Variants in PLCH1 observed in about 807,000 individuals in gnomAD.
The protein encoded by PLCH1 is 1-phosphatidylinositol 4,5-bisphosphate phosphodiesterase eta-1.
PLCH1 carries 60 observed loss-of-function variants against 126.7 expected under a neutral mutation model. The ratio of observed to expected loss-of-function variants is 0.47; its 90% CI spans 0.38 to 0.59. PLCH1 has a LOEUF of 0.59. Among genes scored for constraint, PLCH1 ranks in the 20% least tolerant of loss-of-function variants. The pLI is 0.00. For missense variants in PLCH1, 1,723 were observed against 2,040.0 expected (o/e 0.84, Z 2.99); for synonymous variants, 719 against 734.9 (o/e 0.98, Z 0.35).
chr3:155,467,253 C>T (rs1712961550), intron 21 of PLCH1, among the ~76,000 whole-genome samples: 2 of 150,696 alleles, frequency 1.3e-5, no homozygotes, highest in South Asian at 2.1e-4. Context: ...AGTCTTCTGA[C>T]CAAAAAAAAA....
intron 1 of PLCH1, among the ~76,000 whole-genome samples, chr3:155,708,507 T>A (rs1746855055): frequency 1.3e-5 from 2 of 152,226 alleles, no homozygotes; most frequent in Non-Finnish European, 2.9e-5. Context: ...GATAAACTGA[T>A]GGGAAACCCA....
intron 12 of PLCH1, among the ~76,000 whole-genome samples, chr3:155,512,094 A>G (rs2082837): frequency 0.85 from 125,643 of 147,958 alleles, 53,723 homozygotes; most frequent in African/African-American, 0.95. Context: ...CGCAATATTC[A>G]GGTGGGAGTG....
intron 1 of PLCH1, among the ~76,000 whole-genome samples, chr3:155,708,088 G>A (rs1746823451): frequency 6.6e-6 from 1 of 152,148 alleles, no homozygotes; most frequent in African/African-American, 2.4e-5. Flanking sequence ...CTTTACATCA[G>A]TGAGCCTCAA....
rs1311169701 is a variant in PLCH1, at chr3:155,565,138, A to G, written c.866-20T>C. 1.3e-6 allele frequency: 2 copies of G among 1,558,750 alleles called. No individual in the cohort carries two copies. Among genetic ancestry groups the G allele is most frequent in the East Asian group, 4.5e-5 (2 of 44,506 alleles). On this transcript the variant is annotated intron_variant, in intron 7 of 22. Transcript: ENST00000460012. ...TGAAGCCTTTGGAAGAAAGAGAGTG[A>G]CTTACTACAGCTTTCAAAGCATATA... is the stretch of plus-strand genomic sequence containing the variant.
At chr3:155,539,101 T>C (rs1305129280) in intron 10 of PLCH1, among the ~76,000 whole-genome samples, 1 of 152,038 alleles carries the variant, frequency 6.6e-6, no homozygotes, top group Non-Finnish European at 1.5e-5. Flanking sequence ...TGGTTTCACA[T>C]GTACAAGTCA....
At chr3:155,474,033 A>G (rs1415653305) in intron 21 of PLCH1, among the ~76,000 whole-genome samples, 1 of 152,150 alleles carries the variant, frequency 6.6e-6, no homozygotes, top group Non-Finnish European at 1.5e-5. Flanking sequence ...CTTCATGTCT[A>G]AAACACCAAA....
intron 8 of PLCH1, among the ~76,000 whole-genome samples, 194 bp downstream of exon 8, chr3:155,564,721 A>T (rs368794215): frequency 2.4e-4 from 36 of 152,300 alleles, no homozygotes; most frequent in Middle Eastern, 3.4e-3. Flanking sequence ...GCTAACACAG[A>T]TCTCTTTCTC....
At chr3:155,634,790 T>C (rs529445676) in intron 2 of PLCH1, among the ~76,000 whole-genome samples, 3 of 152,296 alleles carry the variant, frequency 2.0e-5, no homozygotes, top group South Asian at 4.1e-4. Context: ...GAGAAAGGTG[T>C]TCAGGGACCA....
intron 21 of PLCH1, among the ~76,000 whole-genome samples, chr3:155,466,732 A>G (rs1467156257): frequency 6.6e-6 from 1 of 152,240 alleles, no homozygotes; most frequent in Non-Finnish European, 1.5e-5. Context: ...GGAAACTCAA[A>G]GAAGTTCAAC....
rs1730965035 is a variant in PLCH1, at chr3:155,583,461, T to C, written c.771+11A>G. On this transcript the variant is annotated intron_variant, in intron 6 of 22. Transcript: ENST00000460012. ...TTTAAGTAAACTTTCATTTTAACAG[T>C]CTAATGATACCTTTTGCTCCACCTT... 2.5e-6 allele frequency: 4 copies of C among 1,583,680 alleles called. No individual in the cohort carries two copies. Among genetic ancestry groups the C allele is most frequent in the Non-Finnish European group, 3.4e-6 (4 of 1,165,326 alleles).
intron 4 of PLCH1, among the ~76,000 whole-genome samples, chr3:155,589,994 G>T (rs1392548440): frequency 6.6e-6 from 1 of 152,160 alleles, no homozygotes; most frequent in Non-Finnish European, 1.5e-5. Context: ...GTGGGGGCTG[G>T]ACCGCAGGCA....
At chr3:155,706,660 C>G (rs904008568) in intron 1 of PLCH1, among the ~76,000 whole-genome samples, 2 of 151,744 alleles carry the variant, frequency 1.3e-5, no homozygotes, top group African/African-American at 4.8e-5. Flanking sequence ...TTCCTCCCCT[C>G]AAAAGGTAGA....
At chr3:155,665,037 GGAATTTGGGCA>G (rs1742573134) in intron 2 of PLCH1, among the ~76,000 whole-genome samples, 2 of 150,396 alleles carry the variant, frequency 1.3e-5, no homozygotes, top group African/African-American at 4.9e-5. Context: ...TCTGGCCAGT[GGAATTTGGGCA>G]TTGCCCTTTA....
intron 1 of PLCH1, among the ~76,000 whole-genome samples, chr3:155,736,565 C>A (rs1245058964): frequency 6.6e-6 from 1 of 152,208 alleles, no homozygotes; most frequent in Non-Finnish European, 1.5e-5. Flanking sequence ...AGTAGTCAGA[C>A]GAGTCTGATT....
At chr3:155,714,264 G>C (rs1559958097) in intron 1 of PLCH1, among the ~76,000 whole-genome samples, 1 of 146,706 alleles carries the variant, frequency 6.8e-6, no homozygotes, top group Non-Finnish European at 1.5e-5. Context: ...GACAAAGTAA[G>C]AGAATTACAC....
At chr3:155,726,328 T>A (rs1305358249) in intron 1 of PLCH1, among the ~76,000 whole-genome samples, 2 of 152,216 alleles carry the variant, frequency 1.3e-5, no homozygotes, top group Non-Finnish European at 2.9e-5. Flanking sequence ...CCCTGTTTTT[T>A]AAAGATTGTT....
intron 8 of PLCH1, among the ~76,000 whole-genome samples, chr3:155,559,909 T>A (rs1458406576): frequency 1.3e-5 from 2 of 152,166 alleles, no homozygotes; most frequent in Non-Finnish European, 2.9e-5. Flanking sequence ...CAACTAAAAA[T>A]CATGTGTACT....
At chr3:155,580,204 A>G (rs1478206897) in intron 6 of PLCH1, among the ~76,000 whole-genome samples, 1 of 152,216 alleles carries the variant, frequency 6.6e-6, no homozygotes, top group Non-Finnish European at 1.5e-5. Context: ...TTTATATAGC[A>G]TTATGGAGAT....
chr3:155,661,849 T>C (rs1011916410), intron 2 of PLCH1, among the ~76,000 whole-genome samples: 1 of 152,238 alleles, frequency 6.6e-6, no homozygotes, highest in Non-Finnish European at 1.5e-5. Flanking sequence ...CTCAGGTAGT[T>C]AGTTTTCTTT....
Sources: gnomAD v4.1 joint callset for allele counts (sites outside exome capture counted in the v4.1 genomes callset) on GRCh38, gnomAD v4.1.1 for gene constraint, MANE v1.5 for transcripts, NCBI Gene and HGNC (gene_info 2026-07-23, HGNC 2026-07-21) for gene names.